Variants in SLC25A30 observed in about 807,000 individuals in gnomAD.
SLC25A30 encodes solute carrier family 25 member 30.
In SLC25A30, 29 loss-of-function variants were observed where a neutral mutation model predicts 42.7. The observed-to-expected ratio is 0.68, with a 90% CI of 0.51 to 0.93. The LOEUF is 0.93. Among genes scored for constraint, SLC25A30 ranks in the 40% least tolerant of loss-of-function variants. SLC25A30 has a pLI of 0.00. For missense variants in SLC25A30, 300 were observed against 359.7 expected, an observed-to-expected ratio of 0.83 and a Z score of 1.34; for synonymous variants, 124 against 131.0, an observed-to-expected ratio of 0.95 and a Z score of 0.37.
chr13:45,397,464 G>A (rs1395305809), intron 8 of SLC25A30, 126 bp from the exon 9 acceptor site: 5 of 630,958 alleles, frequency 7.9e-6, no homozygotes, highest in Non-Finnish European at 8.3e-6. Flanking sequence ...AGGCCGAGGC[G>A]GGTGGATCAC....
In SLC25A30 at chr13:45,405,994, C is replaced by G; in HGVS notation, c.213-17G>C. ...GGGGCAATCCTGTTAAACCAATGTA[C>G]AAAGGGACAAAAGCAATCTAAAAAT... On this transcript the variant is annotated splice_polypyrimidine_tract_variant and intron_variant, in intron 3 of 9. Transcript: ENST00000519676. The G allele has an allele frequency of 6.2e-7, 1 of 1,612,472 alleles. No individual in the cohort carries two copies. Among genetic ancestry groups the G allele is most frequent in the South Asian group, 1.1e-5 (1 of 91,020 alleles).
At position 45,404,242 on chromosome 13, in the gene SLC25A30, T is replaced by C. The variant is rs1882281733; in HGVS notation, c.393+85A>G. ...AACAGATTCACATATACACAGATGT[T>C]ACATTCACAGATTCCATTACCCGAA... On this transcript the variant is annotated intron_variant, in intron 5 of 9. Transcript: ENST00000519676. 8.6e-6 allele frequency: 8 copies of C among 929,140 alleles called. No homozygotes were observed. In the South Asian group the frequency reaches 1.1e-4, roughly 12 times the overall value. The allele number at this position is 929,140 out of a possible 1,614,324, so 57.6% of individuals were successfully genotyped here.
rs1177557848 is a variant in SLC25A30 at position 45,399,374 on chromosome 13, T to A, written c.615-296A>T. Among the ~76,000 whole-genome samples the A allele has an allele frequency of 3.3e-5, 5 of 152,156 alleles. No homozygotes were observed. In the East Asian group the frequency reaches 9.7e-4, roughly 29 times the overall value. On this transcript the variant is annotated intron_variant, in intron 7 of 9. Coordinates refer to ENST00000519676, the MANE Select transcript of SLC25A30 (RefSeq NM_001010875.4). ...GTGTACTCTACCACATCCAGCTAAT[T>A]TTTTTTGTATTTTTATTAGAGACGG...
chr13:45,418,026 AT>A (rs1883688245), intron 1 of SLC25A30: 1 of 152,412 alleles, frequency 6.6e-6, no homozygotes, highest in East Asian at 1.9e-4. Context: ...TGGAACAGGA[AT>A]CACCCCACGC....
chr13:45,433,507 T>C, the SLC25A30 span, among the ~76,000 whole-genome samples: 4 of 152,124 alleles, frequency 2.6e-5, no homozygotes, highest in African/African-American at 4.8e-5. Flanking sequence ...AAATTGAAAG[T>C]TGTATTACCC....
chr13:45,416,520 T>C (rs866646909), intron 1 of SLC25A30, among the ~76,000 whole-genome samples: 2 of 152,052 alleles, frequency 1.3e-5, no homozygotes, highest in African/African-American at 4.8e-5. Context: ...TAATCCCAGC[T>C]ACTTGGGAGG....
At chr13:45,400,392 A>G (rs1881851228) in intron 7 of SLC25A30, among the ~76,000 whole-genome samples, 1 of 152,174 alleles carries the variant, frequency 6.6e-6, no homozygotes, top group South Asian at 2.1e-4. Context: ...ACTGCACTCC[A>G]GCCTGGGTAA....
chr13:45,400,824 A>G (rs1322172487), intron 7 of SLC25A30, among the ~76,000 whole-genome samples: 1 of 152,190 alleles, frequency 6.6e-6, no homozygotes, highest in East Asian at 1.9e-4. Context: ...AAGCAAATAA[A>G]AGAATGTAAA....
the SLC25A30 span, among the ~76,000 whole-genome samples, chr13:45,424,839 A>T: frequency 6.1e-3 from 283 of 46,154 alleles, 27 homozygotes; most frequent in East Asian, 0.096. Context: ...TATATATATA[A>T]AAATATATAT....
Position 45,417,036 on chromosome 13 carries a change from G to A in SLC25A30, c.-56+1264C>T, listed in dbSNP as rs536571878. Among the ~76,000 whole-genome samples the A allele has an allele frequency of 1.2e-4, 18 of 152,170 alleles. No individual in the cohort carries two copies. In the East Asian group the frequency reaches 2.3e-3, roughly 20 times the overall value. Reference sequence around the variant, plus strand: ...TTCTCTTATTTATTTATTTAGAGGCGGAGTTTTGTTCTTATTGCCCAGGCT... The same window carrying A: ...TTCTCTTATTTATTTATTTAGAGGCAGAGTTTTGTTCTTATTGCCCAGGCT... On this transcript the variant is annotated intron_variant, in intron 1 of 9. Transcript: ENST00000519676.
chr13:45,427,258 G>T, the SLC25A30 span, among the ~76,000 whole-genome samples: 3 of 152,068 alleles, frequency 2.0e-5, no homozygotes, highest in Non-Finnish European at 4.4e-5. Context: ...TGTCTCTCCC[G>T]AAGCATAGGA....
chr13:45,424,890 ATT>A, the SLC25A30 span, among the ~76,000 whole-genome samples: 26 of 38,380 alleles, frequency 6.8e-4, no homozygotes, highest in East Asian at 0.011. Flanking sequence ...ATAAATATAT[ATT>A]TAAATATATA....
chr13:45,423,695 A>T, the SLC25A30 span, among the ~76,000 whole-genome samples: 3 of 4,080 alleles, frequency 7.4e-4, no homozygotes, highest in African/African-American at 2.5e-3. Context: ...AATATATATA[A>T]ATATATAAAT....
Position 45,395,196 on chromosome 13 carries a change from TA to T in SLC25A30, c.*777del. The T allele has an allele frequency of 5.1e-6, 5 of 984,790 alleles. No individual in the cohort carries two copies. In the South Asian group the frequency reaches 2.4e-4, roughly 46 times the overall value. 61.0% of individuals were successfully genotyped at this position (984,790 alleles called of 1,614,324 possible). On this transcript the variant is annotated 3_prime_UTR_variant, in exon 10 of 10. Transcript: ENST00000519676. ...CCCATTTTACTCATTGAGAAATACA[TA>T]TGCTTTGCTAAAAATCATAAAGCTA...
At chr13:45,426,048 T>G in the SLC25A30 span, among the ~76,000 whole-genome samples, 1 of 147,950 alleles carries the variant, frequency 6.8e-6, no homozygotes, top group Non-Finnish European at 1.5e-5. Context: ...TATTTTTATA[T>G]ATACATTTTA....
Position 45,394,922 on chromosome 13 carries a change from C to T in SLC25A30, c.*1052G>A, listed in dbSNP as rs1881201209. 1.0e-6 allele frequency: 1 copy of T among 985,424 alleles called. No individual in the cohort carries two copies. Among genetic ancestry groups the T allele is most frequent in the Non-Finnish European group, 1.2e-6 (1 of 829,896 alleles). 61.0% of individuals were successfully genotyped at this position (985,424 alleles called of 1,614,324 possible). On this transcript the variant is annotated 3_prime_UTR_variant, in exon 10 of 10. Coordinates refer to ENST00000519676, the MANE Select transcript of SLC25A30 (RefSeq NM_001010875.4). ...CTGGAAAAATCAACTCTTTGATTCA[C>T]TACCAACATTTTGCTAAGGAAAATG...
At position 45,396,017 on chromosome 13, in the gene SLC25A30, T is replaced by C. The variant is rs1429629477; in HGVS notation, c.835-2A>G. 2 of 1,614,208 alleles carry C rather than the reference T, an allele frequency of 1.2e-6. No individual in the cohort carries two copies. The highest frequency in any genetic ancestry group is 2.2e-5 in the East Asian group (1 of 44,878). On this transcript the variant is annotated splice_acceptor_variant, in intron 9 of 9. Transcript: ENST00000519676. LOFTEE classifies it high-confidence loss of function. ...CAACTGCTCGTATGTCACAAAGAACTGTGGTTATGGGTTAAGGATGACACA... is the reference window on the plus strand; with the variant it reads ...CAACTGCTCGTATGTCACAAAGAACCGTGGTTATGGGTTAAGGATGACACA...
chr13:45,396,405 G>C, intron 9 of SLC25A30: 10 of 986,462 alleles, frequency 1.0e-5, no homozygotes, highest in Non-Finnish European at 1.2e-5. Flanking sequence ...TCCTTGGGAG[G>C]CAGGAGCTGA....
At chr13:45,425,985 G>A in the SLC25A30 span, among the ~76,000 whole-genome samples, 44,946 of 144,410 alleles carry the variant, frequency 0.31, 8,383 homozygotes, top group Non-Finnish European at 0.43. Context: ...GAGCCACTTC[G>A]CCTGGTCAGT....
Sources: gnomAD v4.1 joint callset for allele counts (sites outside exome capture counted in the v4.1 genomes callset) on GRCh38, gnomAD v4.1.1 for gene constraint, MANE v1.5 for transcripts, NCBI Gene and HGNC (gene_info 2026-07-23, HGNC 2026-07-21) for gene names.